The following TMEM208 variants were observed in gnomAD, a reference collection of about 807,000 sequenced individuals.
The protein encoded by TMEM208 is SRP-independent targeting 2 homolog.
TMEM208 carries 19 observed loss-of-function variants against 26.4 expected under a neutral mutation model. That is an observed-to-expected ratio of 0.72 (90% CI 0.50 to 1.06). The LOEUF (loss-of-function observed/expected upper bound fraction) is 1.06. Ranked by LOEUF, TMEM208 falls within the 50% of genes least tolerant of loss-of-function variation. The pLI, the probability that TMEM208 is intolerant of heterozygous loss-of-function variation, is 0.00. For missense variants in TMEM208, 183 were observed against 219.8 expected (o/e 0.83, Z 1.06); for synonymous variants, 93 against 83.1 (o/e 1.12, Z -0.65).
In TMEM208 at chr16:67,227,137, C is replaced by T. The variant is rs945943647; in HGVS notation, c.-82C>T. On this transcript the variant is annotated 5_prime_UTR_variant, in exon 1 of 6. Coordinates refer to ENST00000304800, the MANE Select transcript of TMEM208 (RefSeq NM_014187.4). ...ACGACTTCGGTCTGCGCCGGAAGTG[C>T]ATGAGCTGCCGATGTGGTGCTTAGT... 3 of 1,590,594 alleles carry T rather than the reference C, an allele frequency of 1.9e-6. No homozygotes were observed. Among genetic ancestry groups the T allele is most frequent in the African/African-American group, 1.3e-5 (1 of 74,632 alleles).
In TMEM208 at chr16:67,228,617, G is replaced by A. The variant is rs757919439; in HGVS notation, c.285G>A (p.Glu95=). 6.4e-7 allele frequency: 1 copy of A among 1,569,768 alleles called. No homozygotes were observed. Among genetic ancestry groups the A allele is most frequent in the Non-Finnish European group, 8.7e-7 (1 of 1,155,722 alleles). The part of the protein sequence containing the change: ...LMDGGMDLNM[E]QGMAEHLKDV... ...ATGGTGGCATGGACCTCAACATGGA[G>A]CAGGGCATGGCAGAGTGAGTGTCCC... is the stretch of plus-strand genomic sequence containing the variant. Residue 95 remains glutamate (E), a synonymous_variant, in exon 4 of 6, where the codon GAG becomes GAA. Transcript: ENST00000304800.
chr16:67,228,830 C>T lies in TMEM208; in HGVS notation c.333C>T (p.Ile111=), dbSNP rs549481552. ...HLKDVILLTA[I]VQVLSCFSLY... ...AGGATGTGATCCTACTGACAGCCAT[C>T]GTGCAGGTGCTCAGCTGCTTCTCTC... The change falls in exon 5 of 6, where the codon ATC becomes ATT. Residue 111 remains isoleucine, a synonymous_variant. Transcript: ENST00000304800. The T allele has an allele frequency of 5.0e-6, 8 of 1,613,958 alleles. No homozygotes were observed. The highest frequency in any genetic ancestry group is 2.2e-5 in the East Asian group (1 of 44,888).
In TMEM208 at chr16:67,228,641, C is replaced by T. The variant is rs1168625405; in HGVS notation, c.299+10C>T. ...AGCAGGGCATGGCAGAGTGAGTGTCCCCCACCGCCAGCCCAGGTGAGCGGC... is the reference window on the plus strand; with the variant it reads ...AGCAGGGCATGGCAGAGTGAGTGTCTCCCACCGCCAGCCCAGGTGAGCGGC... On this transcript the variant is annotated intron_variant, in intron 4 of 5. Transcript: ENST00000304800. The T allele has an allele frequency of 1.9e-6, 3 of 1,552,422 alleles. No individual in the cohort carries two copies. Among genetic ancestry groups the T allele is most frequent in the African/African-American group, 1.4e-5 (1 of 73,096 alleles).
chr16:67,229,210 C>T lies in TMEM208; in HGVS notation c.*97C>T. 1 of 1,299,630 alleles carries T rather than the reference C, an allele frequency of 7.7e-7. No individual in the cohort carries two copies. 80.5% of individuals were successfully genotyped at this position (1,299,630 alleles called of 1,614,324 possible). A position where few individuals can be genotyped will look rare whatever the true frequency, so the allele number is the denominator to read the frequency against. On this transcript the variant is annotated 3_prime_UTR_variant, in exon 6 of 6. Transcript: ENST00000304800. ...AGCAATGAGGGTCTAGTCCAGGGGC[C>T]AAAAGCAGTCTGAGGTATTGGGTAT... is the stretch of plus-strand genomic sequence containing the variant.
In TMEM208 at chr16:67,228,779, C is replaced by T. The variant is rs1437527483; in HGVS notation, c.300-18C>T. ...AAGGGCCCATATGCTGTCTTTCCAG[C>T]TTTATTTCTATCCACAGGCACCTTA... On this transcript the variant is annotated intron_variant, in intron 4 of 5. Coordinates refer to ENST00000304800, the MANE Select transcript of TMEM208 (RefSeq NM_014187.4). 2 of 1,606,848 alleles carry T rather than the reference C, an allele frequency of 1.2e-6. No individual in the cohort carries two copies. Among genetic ancestry groups the T allele is most frequent in the Admixed American group, 3.4e-5 (2 of 58,166 alleles).
chr16:67,227,742 C>CT (rs1187002766), intron 1 of TMEM208, 94 bp from the exon 2 acceptor site: 5 of 990,278 alleles, frequency 5.0e-6, no homozygotes, highest in Non-Finnish European at 7.5e-6. Context: ...GGGGACCTGG[C>CT]TGAGTTGCGG....
At chr16:67,228,934 T>C (rs750119792) in intron 5 of TMEM208, 42 bp from the exon 6 acceptor site, 7 of 1,611,638 alleles carry the variant, frequency 4.3e-6, no homozygotes, top group Non-Finnish European at 5.9e-6. Flanking sequence ...TCCCCATCTT[T>C]TATTCCCTGC....
intron 1 of TMEM208, 158 bp from the exon 2 acceptor site, chr16:67,227,678 A>G: frequency 1.6e-6 from 1 of 620,588 alleles, no homozygotes; most frequent in South Asian, 2.0e-5. Flanking sequence ...CCTAGGCAGA[A>G]TGGACTGGAG....
chr16:67,228,772 T>C, intron 4 of TMEM208, 25 bp from the exon 5 acceptor site: 2 of 1,604,592 alleles, frequency 1.2e-6, no homozygotes, highest in Non-Finnish European at 1.7e-6. Context: ...ATATGCTGTC[T>C]TTCCAGCTTT....
chr16:67,227,238 A>G lies in TMEM208; in HGVS notation c.6+14A>G. On this transcript the variant is annotated intron_variant, in intron 1 of 5. Coordinates refer to ENST00000304800, the MANE Select transcript of TMEM208 (RefSeq NM_014187.4). ...CGCACCATGGCGGTAAGGAGGATGGATAGGGCGGGGTCCGCACCAGCAAAG... is the reference window on the plus strand; with the variant it reads ...CGCACCATGGCGGTAAGGAGGATGGGTAGGGCGGGGTCCGCACCAGCAAAG... 1 of 1,611,290 alleles carries G rather than the reference A, an allele frequency of 6.2e-7. No individual in the cohort carries two copies. Among genetic ancestry groups the G allele is most frequent in the South Asian group, 1.1e-5 (1 of 90,764 alleles).
intron 1 of TMEM208, among the ~76,000 whole-genome samples, chr16:67,227,429 C>G (rs1319863958): frequency 2.0e-5 from 3 of 152,196 alleles, no homozygotes; most frequent in Admixed American, 6.5e-5. Context: ...GCATCAGTAC[C>G]AGGGCAGGCC....
At chr16:67,228,722 G>A in intron 4 of TMEM208, 75 bp from the exon 5 acceptor site, 1 of 1,558,942 alleles carries the variant, frequency 6.4e-7, no homozygotes, top group Non-Finnish European at 8.7e-7. Flanking sequence ...ACTTGAAAAG[G>A]GTGGAAGGGA....
At chr16:67,227,696 G>T in intron 1 of TMEM208, 140 bp from the exon 2 acceptor site, 1 of 650,966 alleles carries the variant, frequency 1.5e-6, no homozygotes. Flanking sequence ...GAGGATGGGT[G>T]GACATCCCAG....
intron 1 of TMEM208, among the ~76,000 whole-genome samples, chr16:67,227,437 G>T (rs2034064076): frequency 6.6e-6 from 1 of 152,202 alleles, no homozygotes; most frequent in Non-Finnish European, 1.5e-5. Flanking sequence ...ACCAGGGCAG[G>T]CCAGAGATCT....
intron 2 of TMEM208, 175 bp from the exon 3 acceptor site, chr16:67,228,180 T>C: frequency 1.4e-6 from 1 of 732,826 alleles, no homozygotes; most frequent in South Asian, 1.7e-5. Context: ...CTGGGCTGAG[T>C]TGGGTGTCAG....
At position 67,228,430 on chromosome 16, in the gene TMEM208, C is replaced by T; in HGVS notation, c.162+16C>T. On this transcript the variant is annotated intron_variant, in intron 3 of 5. Coordinates refer to ENST00000304800, the MANE Select transcript of TMEM208 (RefSeq NM_014187.4). ...TTGGGCCTGGGTAAGTATCTCCATC[C>T]TGGGAGGTGGATGAGTGCGTAGGGT... 1 of 1,613,932 alleles carries T rather than the reference C, an allele frequency of 6.2e-7. No homozygotes were observed. The highest frequency in any genetic ancestry group is 1.6e-4 in the Middle Eastern group (1 of 6,062).
In TMEM208 at chr16:67,227,198, G is replaced by A. The variant is rs1156697653; in HGVS notation, c.-21G>A. On this transcript the variant is annotated 5_prime_UTR_variant, in exon 1 of 6. Transcript: ENST00000304800. ...TCGGTCGCTCTCCCGTGTTTCCCGG[G>A]CTGGGTATTTGCCTCGCACCATGGC... 19 of 1,611,672 alleles carry A rather than the reference G, an allele frequency of 1.2e-5. No homozygotes were observed. The highest frequency in any genetic ancestry group is 1.6e-5 in the Non-Finnish European group (19 of 1,178,544).
chr16:67,229,171 C>T lies in TMEM208; in HGVS notation c.*58C>T. ...TGGGTGGCTCTGTCAGGGTGCACAGCCCCTCATGCCTGGAGCAATGAGGGT... is the reference window on the plus strand; with the variant it reads ...TGGGTGGCTCTGTCAGGGTGCACAGTCCCTCATGCCTGGAGCAATGAGGGT... On this transcript the variant is annotated 3_prime_UTR_variant, in exon 6 of 6. Coordinates refer to ENST00000304800, the MANE Select transcript of TMEM208 (RefSeq NM_014187.4). 1 of 1,511,220 alleles carries T rather than the reference C, an allele frequency of 6.6e-7. No homozygotes were observed. Among genetic ancestry groups the T allele is most frequent in the South Asian group, 1.3e-5 (1 of 77,516 alleles). The allele number at this position is 1,511,220 out of a possible 1,614,324, so 93.6% of individuals were successfully genotyped here. A position where few individuals can be genotyped will look rare whatever the true frequency, so the allele number is the denominator to read the frequency against.
At chr16:67,227,978 C>T (rs769902281) in intron 2 of TMEM208, 47 bp downstream of exon 2, 3 of 1,479,576 alleles carry the variant, frequency 2.0e-6, no homozygotes, top group Admixed American at 4.0e-5. Context: ...AGTCAGTTCC[C>T]TAGTCCTCAG....
Sources: gnomAD v4.1 joint callset for allele counts (sites outside exome capture counted in the v4.1 genomes callset) on GRCh38, gnomAD v4.1.1 for gene constraint, MANE v1.5 for transcripts, NCBI Gene and HGNC (gene_info 2026-07-23, HGNC 2026-07-21) for gene names.